The following LMNTD2 variants were observed in gnomAD, a reference collection of about 807,000 sequenced individuals.
The protein encoded by LMNTD2 is lamin tail domain containing 2, also known as lamin tail domain-containing protein 2.
In LMNTD2, 83 loss-of-function variants were observed where a neutral mutation model predicts 70.1. The observed-to-expected ratio is 1.18, with a 90% CI of 0.99 to 1.42. The LOEUF is 1.42. Among genes scored for constraint, LMNTD2 ranks in the 40% most tolerant of loss-of-function variants. The pLI is 0.00. For missense variants in LMNTD2, 1,153 were observed against 905.9 expected (o/e 1.27, Z -3.50); for synonymous variants, 534 against 406.1 (o/e 1.31, Z -3.79).
At chr11:557,710 C>T (rs1208287818) in intron 5 of LMNTD2, 70 bp from the exon 6 acceptor site, 2 of 1,608,450 alleles carry the variant, frequency 1.2e-6, no homozygotes, top group Non-Finnish European at 1.7e-6. Flanking sequence ...CCTCTTTGAC[C>T]TCACCTGTGC....
Position 557,946 on chromosome 11 carries a change from G to A in LMNTD2, c.493C>T (p.Leu165=), listed in dbSNP as rs147140792. ...ACCCACGAGGAGCGGGCCAGCTGCAGGAGGCAGGACTTCTGCAAGTTCTGC... is the reference window on the plus strand; with the variant it reads ...ACCCACGAGGAGCGGGCCAGCTGCAAGAGGCAGGACTTCTGCAAGTTCTGC... ...ELQNLQKSCL[L]QLARSSWVGR... is the part of the protein sequence containing the mutation. Residue 165 remains leucine (L), a synonymous_variant, in exon 5 of 14, where the codon CTG becomes TTG. Transcript: ENST00000329451. 1.9e-4 allele frequency: 308 copies of A among 1,598,794 alleles called. 1 individual carries two copies. The highest frequency in any genetic ancestry group is 5.2e-4 in the Middle Eastern group (3 of 5,728).
rs767612828 is a variant in LMNTD2 at position 555,352 on chromosome 11, C to T, written c.1726G>A (p.Gly576Arg). 19 of 1,421,540 alleles carry T rather than the reference C, an allele frequency of 1.3e-5. No homozygotes were observed. Among genetic ancestry groups the T allele is most frequent in the Non-Finnish European group, 1.7e-5 (18 of 1,090,730 alleles). 88.1% of individuals were successfully genotyped at this position (1,421,540 alleles called of 1,614,324 possible). A position where few individuals can be genotyped will look rare whatever the true frequency, so the allele number is the denominator to read the frequency against. ...PTLPSPPAEA[G>R]LGLEDCRLQK... is the part of the protein sequence containing the mutation. The stretch of plus-strand genomic sequence containing the variant: ...AGCCGACAGTCCTCCAGGCCCAGCC[C>T]GGCCTCTGCGGGAGGCGACGGCAGG... Residue 576 changes from glycine (G) to arginine (R), a missense_variant, in exon 13 of 14, where the codon GGG becomes AGG. By Grantham distance (125) the Gly-to-Arg change is moderately radical. Coordinates refer to ENST00000329451, the MANE Select transcript of LMNTD2 (RefSeq NM_173573.3).
chr11:556,089 G>C lies in LMNTD2; in HGVS notation c.1284C>G (p.Ala428=). The C allele has an allele frequency of 6.5e-7, 1 of 1,532,286 alleles. No individual in the cohort carries two copies. The highest frequency in any genetic ancestry group is 8.7e-7 in the Non-Finnish European group (1 of 1,150,476). 94.9% of individuals were successfully genotyped at this position (1,532,286 alleles called of 1,614,324 possible). A position where few individuals can be genotyped will look rare whatever the true frequency, so the allele number is the denominator to read the frequency against. ...TCGAGGACGCGCGCAGCGGCTTCTT[G>C]GCGCTGCGGGTCGCCTCGCCCCAGA... The part of the protein sequence containing the change: ...VTVWGEATRS[A]KKPLRASSSR... Residue 428 remains alanine, a synonymous_variant, in exon 11 of 14, where the codon GCC becomes GCG. Transcript: ENST00000329451.
At chr11:558,334 A>AG (rs1853034124) in intron 3 of LMNTD2, 86 bp from the exon 4 acceptor site, 3 of 1,445,522 alleles carry the variant, frequency 2.1e-6, no homozygotes, top group Non-Finnish European at 2.8e-6. Context: ...GGGGAGAAGG[A>AG]GGGGCTCCAC....
At position 558,855 on chromosome 11, in the gene LMNTD2, C is replaced by G; in HGVS notation, c.158+1G>C. The G allele has an allele frequency of 6.2e-7, 1 of 1,601,000 alleles. No individual in the cohort carries two copies. Among genetic ancestry groups the G allele is most frequent in the Non-Finnish European group, 8.5e-7 (1 of 1,170,402 alleles). On this transcript the variant is annotated splice_donor_variant, in intron 2 of 13. Transcript: ENST00000329451. LOFTEE classifies it high-confidence loss of function. ...TCACCAGTCCTCCCTCTCCTCCTTA[C>G]TGCGGGTCGGCAGAGCAGACCACCG...
At position 558,617 on chromosome 11, in the gene LMNTD2, T is replaced by C. The variant is rs1853062214; in HGVS notation, c.308A>G (p.Lys103Arg). The C allele has an allele frequency of 3.1e-6, 5 of 1,605,680 alleles. No individual in the cohort carries two copies. Among genetic ancestry groups the C allele is most frequent in the Non-Finnish European group, 4.2e-6 (5 of 1,177,344 alleles). The change falls in exon 3 of 14, where the codon AAG (lysine) becomes AGG (arginine). Residue 103 changes from lysine to arginine, a missense_variant. Transcript: ENST00000329451. ...ILEEVAGLPP[K>R]RSSHSQEKLL... ...GGCTGGGGACTGTGCTGCAGACCTC[T>C]TGGGCGGAAGCCCCGCCACCTCTTC...
rs1483087250 is a variant in LMNTD2 at position 556,052 on chromosome 11, C to T, written c.1321G>A (p.Val441Ile). 4 of 1,551,628 alleles carry T rather than the reference C, an allele frequency of 2.6e-6. No individual in the cohort carries two copies. Among genetic ancestry groups the T allele is most frequent in the South Asian group, 1.2e-5 (1 of 86,434 alleles). ...PLRASSSREPVPLLSIRGCAT... is the reference protein window; with the variant it reads ...PLRASSSREPIPLLSIRGCAT... ...CAGCCGCGGATGGAGAGGAGGGGAA[C>T]GGGCTCCCGGCTCGAGGACGCGCGC... Residue 441 changes from valine to isoleucine, a missense_variant, in exon 11 of 14, where the codon GTT becomes ATT. Val to Ile is a conservative substitution (Grantham distance 29). Transcript: ENST00000329451.
chr11:556,013 G>T lies in LMNTD2; in HGVS notation c.1360C>A (p.Leu454Met). The T allele has an allele frequency of 6.4e-7, 1 of 1,558,528 alleles. No individual in the cohort carries two copies. The highest frequency in any genetic ancestry group is 1.1e-5 in the South Asian group (1 of 87,030). ...LSIRGCATLL[L>M]SPKGEVLSEH... ...GCACCGACCTCGCCCTTGGGGCTCA[G>T]GAGCAGCGTCGCGCAGCCGCGGATG... The change falls in exon 11 of 14, where the codon CTG (leucine) becomes ATG (methionine). Residue 454 changes from leucine (L) to methionine (M), a missense_variant. By Grantham distance (15) the Leu-to-Met change is conservative (BLOSUM62 2). Coordinates refer to ENST00000329451, the MANE Select transcript of LMNTD2 (RefSeq NM_173573.3).
intron 1 of LMNTD2, chr11:560,426 C>T (rs569044096): frequency 3.7e-4 from 453 of 1,238,056 alleles, no homozygotes; most frequent in Non-Finnish European, 4.4e-4. Context: ...ACTCTGCGCC[C>T]GCCAGCTCCG....
chr11:559,444 A>G (rs1399483622), intron 1 of LMNTD2: 1 of 1,305,190 alleles, frequency 7.7e-7, no homozygotes, highest in Admixed American at 2.3e-5. Context: ...TGTTACCAGG[A>G]GCCTCCAGGG....
rs201984771 is a variant in LMNTD2 at position 556,971 on chromosome 11, G to A, written c.840C>T (p.Gly280=). The stretch of plus-strand genomic sequence containing the variant: ...GGCAGCTGCTGGAGTCGGAGTCAGC[G>A]CCCCCTGAGCTGCTGGTGTTCAGAC... ...LPCLNTSSSG[G]ADSDSSSCRP... Residue 280 remains glycine (G), a synonymous_variant, in exon 8 of 14, where the codon GGC becomes GGT. Coordinates refer to ENST00000329451, the MANE Select transcript of LMNTD2 (RefSeq NM_173573.3). The A allele has an allele frequency of 3.3e-5, 53 of 1,606,076 alleles. No homozygotes were observed. The Admixed American group carries it at 3.4e-4, about 10-fold the overall frequency.
intron 10 of LMNTD2, 36 bp downstream of exon 10, chr11:556,156 G>A: frequency 1.5e-6 from 2 of 1,314,048 alleles, no homozygotes; most frequent in South Asian, 4.5e-5. Context: ...CGGCCGGGCC[G>A]GGCCGTCGGG....
At position 555,882 on chromosome 11, in the gene LMNTD2, C is replaced by T. The variant is rs1235987385; in HGVS notation, c.1426G>A (p.Val476Ile). Residue 476 changes from valine to isoleucine, a missense_variant, in exon 12 of 14, where the codon GTC (valine) becomes ATC (isoleucine). Transcript: ENST00000329451. Reference sequence around the variant, plus strand: ...GACAAGTCGGTGCCGTCGGCGAAGACCCTCGGGGCCGGAGTCTCGCGGCGT... The same window carrying T: ...GACAAGTCGGTGCCGTCGGCGAAGATCCTCGGGGCCGGAGTCTCGCGGCGT... ...IPRRETPAPR[V>I]FADGTDLSID... is the part of the protein sequence containing the mutation. 1.9e-6 allele frequency: 3 copies of T among 1,565,298 alleles called. No individual in the cohort carries two copies. Among genetic ancestry groups the T allele is most frequent in the Non-Finnish European group, 2.6e-6 (3 of 1,161,180 alleles).
In LMNTD2 at chr11:555,842, G is replaced by C. The variant is rs778888773; in HGVS notation, c.1466C>G (p.Pro489Arg). The change falls in exon 12 of 14, where the codon CCG becomes CGG. Residue 489 changes from proline (P) to arginine (R), a missense_variant. Transcript: ENST00000329451. ...DGTDLSIDRF[P>R]LPEAGPGADT... is the part of the protein sequence containing the mutation. ...GGCGCCGGGCCCGGCCTCAGGGAGCGGGAAGCGGTCGATGGACAAGTCGGT... is the reference window on the plus strand; with the variant it reads ...GGCGCCGGGCCCGGCCTCAGGGAGCCGGAAGCGGTCGATGGACAAGTCGGT... 2 of 1,552,874 alleles carry C rather than the reference G, an allele frequency of 1.3e-6. No homozygotes were observed. The highest frequency in any genetic ancestry group is 5.3e-5 in the East Asian group (2 of 38,048).
Position 556,303 on chromosome 11 carries a change from C to T in LMNTD2, c.1146G>A (p.Glu382=). 1 of 1,535,636 alleles carries T rather than the reference C, an allele frequency of 6.5e-7. No individual in the cohort carries two copies. The highest frequency in any genetic ancestry group is 1.2e-5 in the South Asian group (1 of 84,052). ...CCATGCCGCTCAGGTCGGCCGTGCT[C>T]TCCTGCGACGGGTTGAAGATGCGGA... ...KFVRIFNPSQ[E]STADLSGMVL... The change falls in exon 10 of 14, where the codon GAG becomes GAA. Residue 382 remains glutamate (E), a synonymous_variant. Transcript: ENST00000329451.
rs1243894868 is a variant in LMNTD2, at chr11:557,415, G to A, written c.697C>T (p.Pro233Ser). Reference sequence around the variant, plus strand: ...TGCAGTTACTTTTGCTTTGAGCTGGGCTCCATGTTGGTGAAGAGGTTGGGA... The same window carrying A: ...TGCAGTTACTTTTGCTTTGAGCTGGACTCCATGTTGGTGAAGAGGTTGGGA... ...RYPNLFTNME[P>S]SSKQKQPRPW... The change falls in exon 7 of 14, where the codon CCC becomes TCC. Residue 233 changes from proline to serine, a missense_variant. Physicochemically the swap from Pro to Ser is moderately conservative, Grantham distance 74. Transcript: ENST00000329451. 1.9e-6 allele frequency: 3 copies of A among 1,606,322 alleles called. 1 individual carries two copies. The South Asian group carries it at 3.3e-5, about 18-fold the overall frequency.
At chr11:556,159 C>T (rs1852855262) in intron 10 of LMNTD2, 33 bp downstream of exon 10, 5 of 1,316,490 alleles carry the variant, frequency 3.8e-6, no homozygotes, top group East Asian at 3.1e-5. Context: ...CCGGGCCGGG[C>T]CGTCGGGGCC....
In LMNTD2 at chr11:557,465, T is replaced by C. The variant is rs369030115; in HGVS notation, c.647A>G (p.Asp216Gly). 3.0e-5 allele frequency: 48 copies of C among 1,610,582 alleles called. No homozygotes were observed. The highest frequency in any genetic ancestry group is 1.5e-4 in the Admixed American group (9 of 59,584). ...ATACCGGCGGGCAACGCTGTTCCAA[T>C]CCACGTCCTCCAGCCGAAAGCCCTG... ...TGEGFRLEDV[D>G]WNSVARRYPN... is the part of the protein sequence containing the mutation. Residue 216 changes from aspartate to glycine, a missense_variant, in exon 7 of 14, where the codon GAT becomes GGT. By Grantham distance (94) the Asp-to-Gly change is moderately conservative. Transcript: ENST00000329451.
intron 8 of LMNTD2, 111 bp downstream of exon 8, chr11:556,724 G>T: frequency 7.0e-7 from 1 of 1,430,686 alleles, no homozygotes. Context: ...CAGGAAAGGT[G>T]GCTGGACCTT....
Sources: allele counts gnomAD v4.1 joint callset, GRCh38; gene constraint gnomAD v4.1.1; transcripts MANE v1.5; gene names NCBI Gene and HGNC (gene_info 2026-07-23, HGNC 2026-07-21).